Variants in CNIH3 observed in about 807,000 individuals in gnomAD.
CNIH3 encodes cornichon family AMPA receptor auxiliary protein 3, also known as protein cornichon homolog 3.
In CNIH3, 14 loss-of-function variants were observed where a neutral mutation model predicts 24.1. That is an observed-to-expected ratio of 0.58 (90% CI 0.38 to 0.91). The LOEUF is 0.91. CNIH3 is among the 40% of genes least tolerant of loss of function. CNIH3 has a pLI of 0.00. For missense variants in CNIH3, 178 were observed against 196.8 expected (o/e 0.90, Z 0.57); for synonymous variants, 68 against 73.8 (o/e 0.92, Z 0.40).
chr1:224,631,919 A>G (rs1358448914), intron 1 of CNIH3, among the ~76,000 whole-genome samples: 1 of 152,200 alleles, frequency 6.6e-6, no homozygotes, highest in Non-Finnish European at 1.5e-5. Flanking sequence ...ATGGTCCCCT[A>G]TATAATAGAG....
chr1:224,567,732 A>T (rs1488072814), intron 4 of CNIH3, among the ~76,000 whole-genome samples: 1 of 152,140 alleles, frequency 6.6e-6, no homozygotes, highest in Admixed American at 6.6e-5. Context: ...TCACAAAAGG[A>T]TTATTTTCTA....
chr1:224,441,720 G>A (rs1372368803), intron 1 of CNIH3, among the ~76,000 whole-genome samples: 1 of 152,156 alleles, frequency 6.6e-6, no homozygotes, highest in Non-Finnish European at 1.5e-5. Context: ...AAATTTTAAA[G>A]ACTGTAGTAG....
intron 2 of CNIH3, among the ~76,000 whole-genome samples, chr1:224,530,190 G>A (rs1208234140): frequency 2.0e-5 from 3 of 152,192 alleles, no homozygotes; most frequent in East Asian, 1.9e-4. Context: ...GAGGAATGCC[G>A]GAGGGGACTA....
intron 3 of CNIH3, among the ~76,000 whole-genome samples, chr1:224,558,348 C>T (rs909425987): frequency 6.6e-6 from 1 of 152,016 alleles, no homozygotes; most frequent in African/African-American, 2.4e-5. Context: ...TTGGAAGTCC[C>T]AAAGTGTCAT....
intron 3 of CNIH3, among the ~76,000 whole-genome samples, chr1:224,705,850 C>CTTTTTTCTTTTTTTTT (rs1687762236): frequency 2.2e-5 from 2 of 90,204 alleles, no homozygotes; most frequent in Non-Finnish European, 2.4e-5. Flanking sequence ...TCTTTCTTTT[C>CTTTTTTCTTTTTTTTT]TTTTTTTTCT....
chr1:224,545,325 C>G (rs1679661612), intron 2 of CNIH3, among the ~76,000 whole-genome samples: 1 of 152,238 alleles, frequency 6.6e-6, no homozygotes, highest in Non-Finnish European at 1.5e-5. Context: ...TGTCTCTTCT[C>G]TCATCTTAAT....
chr1:224,514,667 C>T (rs1160237198), upstream of CNIH3, among the ~76,000 whole-genome samples: 2 of 152,168 alleles, frequency 1.3e-5, no homozygotes, highest in South Asian at 2.1e-4. Context: ...CCTGTCTCTA[C>T]GAAAAATACA....
At chr1:224,642,317 A>G (rs1238894428) in intron 1 of CNIH3, among the ~76,000 whole-genome samples, 2 of 152,128 alleles carry the variant, frequency 1.3e-5, no homozygotes, top group African/African-American at 4.8e-5. Flanking sequence ...TGCAGCCTCA[A>G]AGCCCTGGGC....
intron 4 of CNIH3, among the ~76,000 whole-genome samples, chr1:224,572,585 TG>T (rs1680866603): frequency 6.6e-6 from 1 of 150,738 alleles, no homozygotes; most frequent in African/African-American, 2.4e-5. Flanking sequence ...GCAATCCTGT[TG>T]GAGGATTATT....
chr1:224,697,260 G>A (rs1294231620), intron 3 of CNIH3, among the ~76,000 whole-genome samples: 1 of 152,170 alleles, frequency 6.6e-6, no homozygotes. Context: ...TTGGCTGTAC[G>A]CCGAAATTGC....
At chr1:224,635,556 T>C (rs1485464985) in intron 1 of CNIH3, among the ~76,000 whole-genome samples, 1 of 152,168 alleles carries the variant, frequency 6.6e-6, no homozygotes, top group East Asian at 1.9e-4. Context: ...CCGGGGGCTG[T>C]GCTAGGACAG....
chr1:224,441,971 A>T (rs865786512), intron 1 of CNIH3, among the ~76,000 whole-genome samples: 1 of 151,806 alleles, frequency 6.6e-6, no homozygotes, highest in South Asian at 2.1e-4. Flanking sequence ...TGCTTAGCCA[A>T]CTCAGGACTA....
At chr1:224,689,302 A>G (rs759509129) in intron 3 of CNIH3, among the ~76,000 whole-genome samples, 1 of 152,234 alleles carries the variant, frequency 6.6e-6, no homozygotes. Context: ...CATCTGGCTC[A>G]TAAGTGTGCA....
upstream of CNIH3, among the ~76,000 whole-genome samples, chr1:224,614,512 CA>C (rs2125056074): frequency 6.6e-6 from 1 of 152,154 alleles, no homozygotes; most frequent in Admixed American, 6.5e-5. Context: ...TGTCTGCAAA[CA>C]AAACAAAACA....
intron 1 of CNIH3, among the ~76,000 whole-genome samples, chr1:224,445,991 C>T (rs1356629794): frequency 6.6e-6 from 1 of 152,144 alleles, no homozygotes; most frequent in Non-Finnish European, 1.5e-5. Flanking sequence ...ACCCACACCA[C>T]AGGGTAAAGA....
intron 1 of CNIH3, 52 bp from the exon 2 acceptor site, chr1:224,680,906 G>C (rs1390265698): frequency 7.5e-7 from 1 of 1,335,880 alleles, no homozygotes; most frequent in Non-Finnish European, 1.1e-6. Flanking sequence ...CTTTGGACAT[G>C]GTGTGTTGAC....
chr1:224,684,755 C>T lies in CNIH3; in HGVS notation c.151-41C>T, dbSNP rs1342728417. The T allele has an allele frequency of 6.3e-7, 1 of 1,591,744 alleles. No individual in the cohort carries two copies. On this transcript the variant is annotated intron_variant, in intron 2 of 5. Transcript: ENST00000272133. This position sits in a 1 kb window ranked among gnomAD's most constrained non-coding sequence, Gnocchi z 4.2. ...CTTCTCATGCTATTTTAGCAGAACC[C>T]CTAACCTCCCCTCTCATTTCTTTCT... is the stretch of plus-strand genomic sequence containing the variant.
At chr1:224,537,804 C>T (rs549867572), downstream of CNIH3, among the ~76,000 whole-genome samples, 6 of 152,224 alleles carry the variant, frequency 3.9e-5, no homozygotes, top group Admixed American at 1.3e-4. Context: ...TACAGGGAGA[C>T]GCTGGATTAA....
intron 1 of CNIH3, among the ~76,000 whole-genome samples, chr1:224,444,169 G>T (rs1179369820): frequency 6.6e-6 from 1 of 151,764 alleles, no homozygotes; most frequent in East Asian, 1.9e-4. Flanking sequence ...TTATACTTCG[G>T]TATATAGCTC....
Sources: allele counts gnomAD v4.1 joint callset (sites outside exome capture counted in the v4.1 genomes callset), GRCh38; gene constraint gnomAD v4.1.1; non-coding constraint Gnocchi (gnomAD v3.1); transcripts MANE v1.5; gene names NCBI Gene and HGNC (gene_info 2026-07-23, HGNC 2026-07-21).